PPP2R2C: variants seen among roughly 807,000 people sequenced by gnomAD.
PPP2R2C encodes protein phosphatase 2, regulatory subunit B, gamma.
In PPP2R2C, 10 loss-of-function variants were observed where a neutral mutation model predicts 45.3. That is an observed-to-expected ratio of 0.22 (90% confidence interval 0.14 to 0.37). The LOEUF is 0.37. PPP2R2C is among the 10% of genes least tolerant of loss of function. The pLI, the probability that PPP2R2C is intolerant of heterozygous loss-of-function variation, is 1.00. For synonymous variants in PPP2R2C, 257 were observed against 245.4 expected (o/e 1.05, Z -0.44); for missense variants, 308 against 619.7 (o/e 0.50, Z 5.34).
Position 6,538,032 on chromosome 4 carries a change from G to A in PPP2R2C, c.-58-2655C>T, listed in dbSNP as rs114075982. On this transcript the variant is annotated intron_variant, in intron 1 of 9. Coordinates refer to the PPP2R2C transcript ENST00000506140. ...AAAGAAAAAGCTCCGGCGATGGGTCGTGGAGATGGTTGCACGACAATAGGA... is the reference window on the plus strand; with the variant it reads ...AAAGAAAAAGCTCCGGCGATGGGTCATGGAGATGGTTGCACGACAATAGGA... Among the ~76,000 whole-genome samples, 952 of 152,190 alleles carry A rather than the reference G, an allele frequency of 6.3e-3. 3 individuals carry two copies. Among genetic ancestry groups the A allele is most frequent in the Middle Eastern group, 0.02 (6 of 294 alleles).
At chr4:6,411,135 G>A (rs10804981) in intron 1 of PPP2R2C, among the ~76,000 whole-genome samples, 4 of 151,720 alleles carry the variant, frequency 2.6e-5, no homozygotes, top group African/African-American at 9.7e-5. Context: ...CCTCCCAAAG[G>A]GCTTGGATTA....
At chr4:6,429,709 C>G (rs1719516502) in intron 1 of PPP2R2C, among the ~76,000 whole-genome samples, 1 of 152,190 alleles carries the variant, frequency 6.6e-6, no homozygotes. Flanking sequence ...GAGTGTTTCA[C>G]CAGCTCCTTG....
intron 1 of PPP2R2C, among the ~76,000 whole-genome samples, chr4:6,462,356 G>A (rs1721371359): frequency 6.6e-6 from 1 of 152,202 alleles, no homozygotes; most frequent in Non-Finnish European, 1.5e-5. Context: ...GCACCTGTAT[G>A]TAGTCCCAGC....
At chr4:6,438,875 A>G (rs989466503) in intron 1 of PPP2R2C, among the ~76,000 whole-genome samples, 6 of 152,242 alleles carry the variant, frequency 3.9e-5, no homozygotes, top group Non-Finnish European at 7.3e-5. Flanking sequence ...TGAATAATAC[A>G]TGAGTGGTAT....
chr4:6,498,883 CT>C (rs1722958311), intron 2 of PPP2R2C, among the ~76,000 whole-genome samples: 1 of 152,162 alleles, frequency 6.6e-6, no homozygotes. Context: ...CACCTCTGAT[CT>C]TTTTGGTGAC....
chr4:6,396,902 T>C (rs1274660562), intron 1 of PPP2R2C, among the ~76,000 whole-genome samples: 2 of 152,176 alleles, frequency 1.3e-5, no homozygotes, highest in African/African-American at 4.8e-5. Context: ...TTCCTAAAAA[T>C]GTAACTATTG....
intron 1 of PPP2R2C, among the ~76,000 whole-genome samples, chr4:6,406,080 T>C (rs558323834): frequency 3.3e-5 from 5 of 152,318 alleles, no homozygotes; most frequent in Admixed American, 3.3e-4. Flanking sequence ...AGTGCTCATG[T>C]TGAGCCTCAC....
Position 6,330,202 on chromosome 4 carries a change from C to T in PPP2R2C, c.961-849G>A, listed in dbSNP as rs1020164978. ...ACCCGGAGGGCCGCATGAGTGCCAG[C>T]CCTCTGCTGAGGCTGGAGCTGCCAG... is the stretch of plus-strand genomic sequence containing the variant. On this transcript the variant is annotated intron_variant, in intron 7 of 8. Coordinates refer to ENST00000382599, the MANE Select transcript of PPP2R2C (RefSeq NM_020416.4). This position sits in a 1 kb window ranked among gnomAD's most constrained non-coding sequence, Gnocchi z 7.0. Among the ~76,000 whole-genome samples, 4 of 152,144 alleles carry T rather than the reference C, an allele frequency of 2.6e-5. No homozygotes were observed. The highest frequency in any genetic ancestry group is 9.7e-5 in the African/African-American group (4 of 41,436).
intron 1 of PPP2R2C, among the ~76,000 whole-genome samples, chr4:6,558,856 C>T (rs1449086650): frequency 1.3e-5 from 2 of 152,184 alleles, no homozygotes; most frequent in South Asian, 2.1e-4. Context: ...AGATGCCCCA[C>T]CCAGTGAGTC....
intron 1 of PPP2R2C, among the ~76,000 whole-genome samples, chr4:6,414,569 T>C (rs1217098565): frequency 6.6e-6 from 1 of 151,906 alleles, no homozygotes; most frequent in Non-Finnish European, 1.5e-5. Flanking sequence ...AGACAGCCAG[T>C]ATCTGGATCT....
chr4:6,440,150 T>G (rs982838685), intron 1 of PPP2R2C, among the ~76,000 whole-genome samples: 3 of 152,162 alleles, frequency 2.0e-5, no homozygotes, highest in South Asian at 2.1e-4. Flanking sequence ...TCCCTTCACA[T>G]GGGTATGACC....
At chr4:6,501,527 G>T in intron 2 of PPP2R2C, among the ~76,000 whole-genome samples, 1 of 152,180 alleles carries the variant, frequency 6.6e-6, no homozygotes, top group Admixed American at 6.5e-5. Context: ...AATCTCATGG[G>T]CACTTAGAGG....
chr4:6,554,935 GAAAGAAA>G (rs1560620325), intron 1 of PPP2R2C, among the ~76,000 whole-genome samples: 2,568 of 83,088 alleles, frequency 0.031, 47 homozygotes, highest in Admixed American at 0.049. Flanking sequence ...AGGAAGGAAA[GAAAGAAA>G]GAAAGAAAGA....
chr4:6,484,886 T>C (rs1263378367), intron 2 of PPP2R2C, among the ~76,000 whole-genome samples: 1 of 151,918 alleles, frequency 6.6e-6, no homozygotes, highest in East Asian at 1.9e-4. Context: ...ACAGTTTTAC[T>C]TCTTCTTTTC....
intron 1 of PPP2R2C, among the ~76,000 whole-genome samples, chr4:6,392,130 G>C (rs922357221): frequency 6.6e-6 from 1 of 152,346 alleles, no homozygotes; most frequent in African/African-American, 2.4e-5. Flanking sequence ...GGATGGTGGT[G>C]ACAGGTGCAC....
intron 1 of PPP2R2C, among the ~76,000 whole-genome samples, chr4:6,459,531 G>C (rs1248069529): frequency 6.6e-6 from 1 of 152,184 alleles, no homozygotes; most frequent in Admixed American, 6.5e-5. Context: ...TTGCAAGAGA[G>C]ATGACAATTA....
Position 6,332,428 on chromosome 4 carries a change from G to T in PPP2R2C, c.960+1134C>A, listed in dbSNP as rs145043110. On this transcript the variant is annotated intron_variant, in intron 7 of 8. Coordinates refer to ENST00000382599, the MANE Select transcript of PPP2R2C (RefSeq NM_020416.4). The surrounding 1 kb of genome is among the most constrained non-coding windows in gnomAD (Gnocchi z 4.9). ...AGTAAACACACGTGGCTGACAAACA[G>T]GCGGTCCCCATAGCGGTCCTTGTGG... Among the ~76,000 whole-genome samples, 961 of 152,306 alleles carry T rather than the reference G, an allele frequency of 6.3e-3. 12 individuals are homozygous for T. Among genetic ancestry groups the T allele is most frequent in the African/African-American group, 0.021 (893 of 41,544 alleles).
chr4:6,491,032 C>T (rs1722685241), intron 2 of PPP2R2C, among the ~76,000 whole-genome samples: 1 of 152,208 alleles, frequency 6.6e-6, no homozygotes, highest in South Asian at 2.1e-4. Flanking sequence ...CCCACGTAAA[C>T]CCTCTGCCAC....
rs574587501 is a variant in PPP2R2C at position 6,366,959 on chromosome 4, G to T, written c.625+5564C>A. 2.6e-5 allele frequency among the ~76,000 whole-genome samples: 4 copies of T among 152,256 alleles called. No individual in the cohort carries two copies. In the East Asian group the frequency reaches 5.8e-4, roughly 22 times the overall value. Reference sequence around the variant, plus strand: ...GTTCCGATGAGCCAATTTCACAGCTGTGCAGAAGGCTCTGGGCAGGACAGG... The same window carrying T: ...GTTCCGATGAGCCAATTTCACAGCTTTGCAGAAGGCTCTGGGCAGGACAGG... On this transcript the variant is annotated intron_variant, in intron 5 of 8. Transcript: ENST00000382599.
Sources: allele counts gnomAD v4.1 joint callset (sites outside exome capture counted in the v4.1 genomes callset), GRCh38; gene constraint gnomAD v4.1.1; non-coding constraint Gnocchi (gnomAD v3.1); transcripts MANE v1.5; gene names NCBI Gene and HGNC (gene_info 2026-07-23, HGNC 2026-07-21).